CUX1: variants seen among roughly 807,000 people sequenced by gnomAD.
The protein encoded by CUX1 is protein CASP.
CUX1 carries 31 observed loss-of-function variants against 158.8 expected under a neutral mutation model. That is an observed-to-expected ratio of 0.20 (90% confidence interval 0.15 to 0.26). CUX1 has a LOEUF of 0.26. CUX1 is among the 10% of genes least tolerant of loss of function. CUX1 has a pLI of 1.00. For missense variants in CUX1, 1,589 were observed against 2,014.6 expected (o/e 0.79, Z 4.04); for synonymous variants, 879 against 862.1 (o/e 1.02, Z -0.34).
intron 2 of CUX1, among the ~76,000 whole-genome samples, chr7:101,927,824 G>A (rs1037334078): frequency 3.9e-5 from 6 of 152,212 alleles, no homozygotes; most frequent in African/African-American, 7.2e-5. Context: ...TCTCCCAGTT[G>A]CTCTGTTCCT....
At chr7:102,139,244 TAAAAAAAAAAAAA>T (rs11459794) in intron 8 of CUX1, among the ~76,000 whole-genome samples, 1 of 93,172 alleles carries the variant, frequency 1.1e-5, no homozygotes, top group Non-Finnish European at 2.0e-5. Context: ...GACTACATCT[TAAAAAAAAAAAAA>T]AAAAAAAAAA....
rs1277308047 is a variant in CUX1 at position 101,939,084 on chromosome 7, T to C, written c.141+22859T>C. Among the ~76,000 whole-genome samples the C allele has an allele frequency of 1.3e-3, 99 of 78,892 alleles. 4 individuals carry two copies. The East Asian group carries it at 0.025, about 20-fold the overall frequency. The allele number at this position is 78,892 out of a possible 152,430, so 51.8% of individuals were successfully genotyped here. ...ATATATATATATATATATATATATA[T>C]ATATATATATATATATATATATATA... On this transcript the variant is annotated intron_variant, in intron 2 of 23. Transcript: ENST00000292535.
intron 2 of CUX1, among the ~76,000 whole-genome samples, chr7:101,977,233 C>T (rs142197315): frequency 1.9e-3 from 286 of 152,152 alleles, no homozygotes; most frequent in African/African-American, 6.6e-3. Flanking sequence ...TTTCCATTTC[C>T]GCTTTTATCT....
chr7:102,277,230 G>A (rs1018438567), intron 17 of CUX1, among the ~76,000 whole-genome samples: 7 of 152,118 alleles, frequency 4.6e-5, no homozygotes, highest in African/African-American at 1.7e-4. Flanking sequence ...TCGGGAGGCT[G>A]AGGCTGCAGT....
At chr7:102,073,165 CTTTTTT>C (rs869202667) in intron 4 of CUX1, among the ~76,000 whole-genome samples, 12,852 of 66,796 alleles carry the variant, frequency 0.19, 810 homozygotes, top group Middle Eastern at 0.38. Flanking sequence ...TCTTTTCTTT[CTTTTTT>C]TTTTTTTTTT....
At chr7:102,159,813 A>C (rs1554506522) in intron 9 of CUX1, among the ~76,000 whole-genome samples, 1 of 150,740 alleles carries the variant, frequency 6.6e-6, no homozygotes, top group Non-Finnish European at 1.5e-5. Context: ...GTGAGCCAAG[A>C]TCTAAGCCTG....
intron 1 of CUX1, among the ~76,000 whole-genome samples, chr7:101,873,177 T>G (rs1441761851): frequency 2.2e-5 from 3 of 136,724 alleles, no homozygotes; most frequent in East Asian, 4.0e-4. Flanking sequence ...GGCCTCAGCT[T>G]CTTTTTTTTT....
chr7:102,156,807 G>A (rs1255677665), intron 8 of CUX1, among the ~76,000 whole-genome samples: 2 of 152,214 alleles, frequency 1.3e-5, no homozygotes, highest in East Asian at 1.9e-4. Flanking sequence ...GGCATCCAAC[G>A]TGACGTGCAG....
At chr7:101,984,089 A>AAAAAAAAAAAAAAAAAATATAT (rs1221503978) in intron 2 of CUX1, among the ~76,000 whole-genome samples, 1 of 29,844 alleles carries the variant, frequency 3.4e-5, no homozygotes, top group Non-Finnish European at 7.0e-5. Context: ...AAAAAAAAAA[A>AAAAAAAAAAAAAAAAAATATAT]ATATATATAT....
chr7:101,924,809 A>G (rs746428181), intron 2 of CUX1, among the ~76,000 whole-genome samples: 2 of 151,974 alleles, frequency 1.3e-5, no homozygotes, highest in African/African-American at 4.8e-5. Context: ...TCCTGGGCTC[A>G]AGCGATCCTC....
intron 4 of CUX1, among the ~76,000 whole-genome samples, chr7:102,080,732 C>G (rs1395377722): frequency 1.3e-5 from 2 of 152,216 alleles, no homozygotes; most frequent in Admixed American, 1.3e-4. Flanking sequence ...CTTCTGAGAT[C>G]CAGCCATGTG....
chr7:102,128,734 T>C (rs1186333530), intron 8 of CUX1, among the ~76,000 whole-genome samples: 1 of 151,918 alleles, frequency 6.6e-6, no homozygotes, highest in Non-Finnish European at 1.5e-5. Context: ...TCCCAGCACT[T>C]TGGGAGATCA....
intron 1 of CUX1, among the ~76,000 whole-genome samples, chr7:101,890,462 G>A (rs1265177266): frequency 6.6e-6 from 1 of 151,726 alleles, no homozygotes; most frequent in Non-Finnish European, 1.5e-5. Flanking sequence ...GGCTAGGAGA[G>A]CCCACCCTGC....
intron 8 of CUX1, among the ~76,000 whole-genome samples, chr7:102,136,437 G>T (rs1285190123): frequency 4.7e-5 from 7 of 149,624 alleles, no homozygotes; most frequent in Non-Finnish European, 8.9e-5. Context: ...TCTCACCCAT[G>T]CTGGAGTGCA....
At position 101,971,091 on chromosome 7, in the gene CUX1, C is replaced by G. The variant is rs143148584; in HGVS notation, c.141+54866C>G. ...AACAGTCCTGAAAAAGATACTTTCC[C>G]CATTTTCCATCTGGGGAGACTGAGG... On this transcript the variant is annotated intron_variant, in intron 2 of 23. Transcript: ENST00000292535. Among the ~76,000 whole-genome samples the G allele has an allele frequency of 3.7e-3, 561 of 152,328 alleles. 4 individuals are homozygous for G. Among genetic ancestry groups the G allele is most frequent in the Admixed American group, 6.3e-3 (97 of 15,300 alleles).
chr7:102,096,081 G>C (rs782559511), intron 4 of CUX1, among the ~76,000 whole-genome samples: 1 of 152,262 alleles, frequency 6.6e-6, no homozygotes, highest in Non-Finnish European at 1.5e-5. Flanking sequence ...AAGTGAATCT[G>C]ATGGCAGATA....
At chr7:101,938,116 T>C (rs1175552478) in intron 2 of CUX1, among the ~76,000 whole-genome samples, 1 of 151,322 alleles carries the variant, frequency 6.6e-6, no homozygotes, top group African/African-American at 2.4e-5. Flanking sequence ...TTGGTGTGTG[T>C]ATTTTTTTTT....
chr7:102,147,715 G>T (rs1554502482), intron 8 of CUX1, among the ~76,000 whole-genome samples: 1 of 152,158 alleles, frequency 6.6e-6, no homozygotes, highest in Admixed American at 6.6e-5. Context: ...TTGCATATTT[G>T]GGCCGGTGCG....
rs1469103474 is a variant in CUX1 at position 102,003,334 on chromosome 7, A to ACACACACGCC, written c.142-24763_142-24762insACACACGCCC. 5.5e-4 allele frequency among the ~76,000 whole-genome samples: 81 copies of ACACACACGCC among 146,738 alleles called. 1 individual carries two copies. Among genetic ancestry groups the ACACACACGCC allele is most frequent in the African/African-American group, 2.0e-3 (78 of 38,786 alleles). On this transcript the variant is annotated intron_variant, in intron 2 of 23. Transcript: ENST00000292535. The stretch of plus-strand genomic sequence containing the variant: ...CACACACACACACACACACACACAC[A>ACACACACGCC]CGCCCGCCCCCCGCTCCACTGTTCT...
Sources: gnomAD v4.1 joint callset for allele counts (sites outside exome capture counted in the v4.1 genomes callset) on GRCh38, gnomAD v4.1.1 for gene constraint, MANE v1.5 for transcripts, NCBI Gene and HGNC (gene_info 2026-07-23, HGNC 2026-07-21) for gene names.